LCORL: variants seen among roughly 807,000 people sequenced by gnomAD.
LCORL encodes the protein ligand dependent nuclear receptor corepressor like.
In LCORL, 41 loss-of-function variants were observed where a neutral mutation model predicts 141.8. The ratio of observed to expected loss-of-function variants is 0.29; its 90% confidence interval spans 0.23 to 0.38. The LOEUF (loss-of-function observed/expected upper bound fraction) is 0.38. Ranked by LOEUF, LCORL falls within the 10% of genes least tolerant of loss-of-function variation. The probability of loss-of-function intolerance (pLI) is 1.00; values close to 1 mark genes in which losing one functional copy is unlikely to be tolerated. For missense variants in LCORL, 1,759 were observed against 2,035.0 expected (o/e 0.86, Z 2.61); for synonymous variants, 618 against 694.1 (o/e 0.89, Z 1.72).
intron 7 of LCORL, among the ~76,000 whole-genome samples, chr4:17,858,558 T>TA (rs753059223): frequency 0.034 from 4,747 of 139,522 alleles, 70 homozygotes; most frequent in African/African-American, 0.05. Context: ...CTGTCTTTAC[T>TA]AAAAAAAAAA....
chr4:17,892,209 C>CTTTTTT (rs1018422638), intron 5 of LCORL, among the ~76,000 whole-genome samples: 5 of 126,494 alleles, frequency 4.0e-5, no homozygotes, highest in Admixed American at 8.0e-5. Flanking sequence ...TTTTTTTTTT[C>CTTTTTT]TTTTTTTTTT....
chr4:17,990,782 G>A (rs1234638874), intron 1 of LCORL, among the ~76,000 whole-genome samples: 1 of 151,886 alleles, frequency 6.6e-6, no homozygotes, highest in African/African-American at 2.4e-5. Context: ...GGACTGCACT[G>A]TCAGGGTTTA....
intron 5 of LCORL, among the ~76,000 whole-genome samples, chr4:17,908,343 T>C (rs1331827284): frequency 6.6e-6 from 1 of 152,208 alleles, no homozygotes; most frequent in African/African-American, 2.4e-5. Context: ...AACTAGTATA[T>C]TCTTCTTAAG....
chr4:17,844,377 A>G (rs1722722011), exon 8 of LCORL: 1 of 152,330 alleles, frequency 6.6e-6, no homozygotes, highest in South Asian at 2.1e-4. Context: ...TGTTTGTTTT[A>G]ATAATTGTGC....
exon 8 of LCORL, chr4:17,843,235 T>C (rs1329314811): frequency 2.0e-6 from 3 of 1,527,594 alleles, no homozygotes; most frequent in South Asian, 2.5e-5. Context: ...AACAAAAAAG[T>C]TTTATTTATA....
intron 5 of LCORL, among the ~76,000 whole-genome samples, chr4:17,908,063 G>A (rs1271059070): frequency 2.6e-5 from 4 of 151,678 alleles, no homozygotes; most frequent in Non-Finnish European, 4.4e-5. Flanking sequence ...ACAGAGTTTC[G>A]CTCTTGTTGC....
intron 4 of LCORL, among the ~76,000 whole-genome samples, chr4:17,960,619 A>G (rs1172195545): frequency 6.6e-6 from 1 of 152,120 alleles, no homozygotes; most frequent in African/African-American, 2.4e-5. Flanking sequence ...ATCCTTAAAG[A>G]AAGTATGTAA....
At chr4:17,936,350 G>C (rs1368530880) in intron 4 of LCORL, among the ~76,000 whole-genome samples, 1 of 134,786 alleles carries the variant, frequency 7.4e-6, no homozygotes, top group African/African-American at 3.0e-5. Context: ...ATCTAATCCA[G>C]TCTCATAATG....
chr4:17,991,838 A>C (rs1367192223), intron 1 of LCORL, among the ~76,000 whole-genome samples: 1 of 152,112 alleles, frequency 6.6e-6, no homozygotes, highest in Non-Finnish European at 1.5e-5. Flanking sequence ...ACCCGCTAAT[A>C]CCATATCTGA....
At chr4:17,876,088 C>G in exon 7 of LCORL, 3 of 1,230,912 alleles carry the variant, frequency 2.4e-6, no homozygotes, top group Non-Finnish European at 3.0e-6. Context: ...CTACTTTTAA[C>G]CTCAGATAAA....
intron 1 of LCORL, among the ~76,000 whole-genome samples, chr4:18,011,293 A>T (rs1577730296): frequency 1.3e-5 from 2 of 152,180 alleles, no homozygotes; most frequent in African/African-American, 4.8e-5. Context: ...TCATTTTCCC[A>T]GTTTTGATTT....
intron 4 of LCORL, among the ~76,000 whole-genome samples, chr4:17,937,844 A>G (rs780857933): frequency 4.3e-4 from 65 of 152,290 alleles, no homozygotes; most frequent in Non-Finnish European, 6.6e-4. Flanking sequence ...GTCTACTTTC[A>G]TATCTAGCAT....
At chr4:17,983,801 T>A (rs1577636385) in intron 1 of LCORL, among the ~76,000 whole-genome samples, 1 of 152,202 alleles carries the variant, frequency 6.6e-6, no homozygotes, top group East Asian at 1.9e-4. Flanking sequence ...TTTCCAATAT[T>A]ATGTTGAATA....
exon 7 of LCORL, chr4:17,877,208 CTTT>C: frequency 8.1e-7 from 1 of 1,230,076 alleles, no homozygotes; most frequent in East Asian, 3.2e-5. Flanking sequence ...TATTTTCTAC[CTTT>C]TTATCATGTT....
chr4:17,918,070 G>A (rs966337045), intron 4 of LCORL, among the ~76,000 whole-genome samples: 20 of 152,188 alleles, frequency 1.3e-4, no homozygotes, highest in African/African-American at 4.6e-4. Context: ...GATTGTAGAC[G>A]TATGAGGAAA....
exon 7 of LCORL, chr4:17,875,287 G>T (rs1726800945): frequency 3.2e-6 from 4 of 1,231,368 alleles, no homozygotes; most frequent in South Asian, 8.2e-5. Flanking sequence ...TGATTTGGTC[G>T]AATAATGTTC....
chr4:17,897,923 C>T (rs1246754524), intron 5 of LCORL, among the ~76,000 whole-genome samples: 1 of 152,152 alleles, frequency 6.6e-6, no homozygotes, highest in African/African-American at 2.4e-5. Flanking sequence ...TTCAATGCCA[C>T]TGAGTTTTCG....
chr4:17,876,081 C>T, exon 7 of LCORL: 3 of 1,230,996 alleles, frequency 2.4e-6, no homozygotes, highest in Non-Finnish European at 3.0e-6. Context: ...CCCTTCACTA[C>T]TTTTAACCTC....
rs1727970175 is a variant in LCORL, at chr4:17,884,133, A to G, written c.776+1935T>C. On this transcript the variant is annotated intron_variant, in intron 6 of 7. Transcript: ENST00000635767. The surrounding 1 kb of genome is among the most constrained non-coding windows in gnomAD (Gnocchi z 4.4). ...CTTGAGTGAGTTACAGGCCCAGAAC[A>G]TTCTATTTTGTTCTGTTTAGGGAGT... 1 of 1,550,580 alleles carries G rather than the reference A, an allele frequency of 6.4e-7. No homozygotes were observed. Among genetic ancestry groups the G allele is most frequent in the African/African-American group, 1.4e-5 (1 of 72,956 alleles).
Sources: gnomAD v4.1 joint callset for allele counts (sites outside exome capture counted in the v4.1 genomes callset) on GRCh38, gnomAD v4.1.1 for gene constraint, Gnocchi (gnomAD v3.1) non-coding constraint, MANE v1.5 for transcripts, NCBI Gene and HGNC (gene_info 2026-07-23, HGNC 2026-07-21) for gene names.